Variants in POLA1 observed in about 807,000 individuals in gnomAD.
POLA1 encodes the protein DNA polymerase alpha catalytic subunit.
Under a neutral mutation model 124.0 loss-of-function variants are expected in POLA1, and 15 were observed. That is an observed-to-expected ratio of 0.12 (90% CI 0.08 to 0.19). The LOEUF (loss-of-function observed/expected upper bound fraction) is 0.19, where lower values mean the gene tolerates loss of function less well. Among genes scored for constraint, POLA1 ranks in the 10% least tolerant of loss-of-function variants. The pLI is 1.00. For missense variants in POLA1, 886 were observed against 1,103.4 expected, an observed-to-expected ratio of 0.80 and a Z score of 2.79; for synonymous variants, 408 against 389.4, an observed-to-expected ratio of 1.05 and a Z score of -0.56.
At chrX:24,741,924 C>G in intron 21 of POLA1, 78 bp from the exon 22 acceptor site, 1 of 859,450 alleles carries the variant, frequency 1.2e-6, no homozygotes. Flanking sequence ...GGTGCTGTGA[C>G]TAAACTTACT....
intron 26 of POLA1, among the ~76,000 whole-genome samples, chrX:24,794,000 C>T (rs973164503): frequency 9.1e-6 from 1 of 109,546 alleles, no homozygotes; most frequent in African/African-American, 3.3e-5. Context: ...CTGAGTCTCT[C>T]TCTCTCTCTA....
intron 35 of POLA1, among the ~76,000 whole-genome samples, chrX:24,902,482 A>G (rs140627675): frequency 6.2e-4 from 70 of 112,311 alleles, no homozygotes; most frequent in African/African-American, 2.2e-3. Flanking sequence ...AAACTATTCT[A>G]TCATGTGACT....
intron 36 of POLA1, among the ~76,000 whole-genome samples, chrX:24,991,825 T>G (rs2147303934): frequency 1.8e-5 from 2 of 112,594 alleles, no homozygotes; most frequent in East Asian, 5.6e-4. Context: ...AACTGGATAG[T>G]GGACTAACAG....
intron 22 of POLA1, among the ~76,000 whole-genome samples, 197 bp downstream of exon 22, chrX:24,742,318 C>G (rs942664150): frequency 8.9e-6 from 1 of 112,125 alleles, no homozygotes; most frequent in Admixed American, 9.4e-5. Flanking sequence ...GGAAAATGCA[C>G]TTTGTGCAGA....
At chrX:24,896,432 G>A (rs145735217) in intron 35 of POLA1, among the ~76,000 whole-genome samples, 1 of 111,536 alleles carries the variant, frequency 9.0e-6, no homozygotes, top group African/African-American at 3.3e-5. Context: ...AAAACATGAG[G>A]TTTCTTTTTT....
rs190028217 is a variant in POLA1, at chrX:24,948,436, G to A, written c.4261+17887G>A. ...TACTGCCAATCTTCTCTTGAAAGTAGCAGTGCTTATCTTGAGTAGTTTGAA... is the reference window on the plus strand; with the variant it reads ...TACTGCCAATCTTCTCTTGAAAGTAACAGTGCTTATCTTGAGTAGTTTGAA... On this transcript the variant is annotated intron_variant, in intron 36 of 36. Coordinates refer to ENST00000379068, the MANE Select transcript of POLA1 (RefSeq NM_001330360.2). Among the ~76,000 whole-genome samples the A allele has an allele frequency of 1.0e-4, 11 of 110,536 alleles. No individual in the cohort carries two copies. The East Asian group carries it at 2.5e-3, about 25-fold the overall frequency.
chrX:24,963,013 C>G (rs1272046367), intron 36 of POLA1, among the ~76,000 whole-genome samples: 1 of 111,471 alleles, frequency 9.0e-6, no homozygotes, highest in Non-Finnish European at 1.9e-5. Context: ...ATAGTAATAA[C>G]AACTTTCAGG....
chrX:24,969,009 C>T (rs1292818403), intron 36 of POLA1, among the ~76,000 whole-genome samples: 1 of 110,904 alleles, frequency 9.0e-6, no homozygotes, highest in East Asian at 2.8e-4. Context: ...GAGTTCTAGA[C>T]CAGCCTGGCC....
At chrX:24,878,808 C>A (rs762026184) in intron 34 of POLA1, among the ~76,000 whole-genome samples, 1 of 109,192 alleles carries the variant, frequency 9.2e-6, no homozygotes, top group Non-Finnish European at 1.9e-5. Flanking sequence ...TAAGCACATT[C>A]CCTGAAAATT....
intron 10 of POLA1, among the ~76,000 whole-genome samples, chrX:24,719,361 G>A (rs894496458): frequency 1.8e-5 from 2 of 111,883 alleles, no homozygotes; most frequent in African/African-American, 6.5e-5. Context: ...AGCCACTTGA[G>A]TAGCACACTG....
At chrX:24,763,155 G>A (rs750949967) in intron 26 of POLA1, among the ~76,000 whole-genome samples, 41 of 111,969 alleles carry the variant, frequency 3.7e-4, no homozygotes, top group Non-Finnish European at 7.1e-4. Context: ...TGATTAGCAG[G>A]CTATTATTAG....
chrX:24,807,917 C>T (rs965688316), intron 26 of POLA1, among the ~76,000 whole-genome samples: 1 of 111,754 alleles, frequency 8.9e-6, no homozygotes, highest in African/African-American at 3.3e-5. Flanking sequence ...AGTCTGTACA[C>T]AGTTAACTGT....
At chrX:24,917,340 G>GT (rs1193035005) in intron 35 of POLA1, among the ~76,000 whole-genome samples, 1 of 109,670 alleles carries the variant, frequency 9.1e-6, no homozygotes, top group Non-Finnish European at 1.9e-5. Flanking sequence ...TGTTGGCTCT[G>GT]TTTTTGCAGT....
At chrX:24,901,025 C>T (rs2047270856) in intron 35 of POLA1, among the ~76,000 whole-genome samples, 1 of 111,921 alleles carries the variant, frequency 8.9e-6, no homozygotes, top group Admixed American at 9.5e-5. Flanking sequence ...ATTTAGTGAG[C>T]ACCTACTCTG....
intron 26 of POLA1, among the ~76,000 whole-genome samples, chrX:24,773,159 C>T (rs2045072787): frequency 8.9e-6 from 1 of 112,001 alleles, no homozygotes; most frequent in African/African-American, 3.2e-5. Flanking sequence ...ATCGAAGGAC[C>T]TGACGAAGTT....
intron 34 of POLA1, among the ~76,000 whole-genome samples, chrX:24,849,820 C>G (rs909594579): frequency 9.0e-6 from 1 of 110,639 alleles, no homozygotes. Flanking sequence ...TTAGTAGAGA[C>G]GGGGTTTCAC....
chrX:24,708,292 C>G (rs1450279201), intron 4 of POLA1, among the ~76,000 whole-genome samples: 1 of 110,510 alleles, frequency 9.0e-6, no homozygotes, highest in Admixed American at 9.5e-5. Context: ...TCAGAGTGCT[C>G]CAGATGATAC....
chrX:24,900,406 A>T (rs2047261530), intron 35 of POLA1, among the ~76,000 whole-genome samples: 1 of 112,450 alleles, frequency 8.9e-6, no homozygotes, highest in South Asian at 3.7e-4. Context: ...CTCACTGGAA[A>T]GCCAGACCTG....
intron 26 of POLA1, among the ~76,000 whole-genome samples, chrX:24,768,620 A>G (rs1292382051): frequency 2.7e-5 from 3 of 112,307 alleles, no homozygotes; most frequent in Non-Finnish European, 5.6e-5. Context: ...AACTCCCCTA[A>G]CTTTTATTTA....
Sources: allele counts gnomAD v4.1 joint callset (sites outside exome capture counted in the v4.1 genomes callset), GRCh38; gene constraint gnomAD v4.1.1; transcripts MANE v1.5; gene names NCBI Gene and HGNC (gene_info 2026-07-23, HGNC 2026-07-21).